LRP1B: variants seen among roughly 807,000 people sequenced by gnomAD.
LRP1B encodes low-density lipoprotein receptor-related protein 1B.
In LRP1B, 217 loss-of-function variants were observed where a neutral mutation model predicts 556.6. That is an observed-to-expected ratio of 0.39 (90% CI 0.35 to 0.44). The LOEUF is 0.44. LRP1B is among the 20% of genes least tolerant of loss of function. The probability of loss-of-function intolerance (pLI) is 1.00; values close to 1 mark genes in which losing one functional copy is unlikely to be tolerated. For synonymous variants in LRP1B, 2,047 were observed against 1,865.8 expected (o/e 1.10, Z -2.50); for missense variants, 5,053 against 5,620.8 (o/e 0.90, Z 3.23).
At chr2:141,888,035 T>G (rs948710641) in intron 1 of LRP1B, among the ~76,000 whole-genome samples, 3 of 152,308 alleles carry the variant, frequency 2.0e-5, no homozygotes, top group Non-Finnish European at 4.4e-5. Context: ...TATCATAAAT[T>G]GCAAATTTAG....
At chr2:141,284,931 A>G (rs981562618) in intron 3 of LRP1B, among the ~76,000 whole-genome samples, 1 of 152,154 alleles carries the variant, frequency 6.6e-6, no homozygotes, top group Admixed American at 6.5e-5. Context: ...TGCTTCGATG[A>G]GTCTAGGTCC....
intron 1 of LRP1B, among the ~76,000 whole-genome samples, chr2:141,946,074 C>T (rs1203465920): frequency 6.6e-6 from 1 of 152,024 alleles, no homozygotes; most frequent in Non-Finnish European, 1.5e-5. Flanking sequence ...GTAGGGGTAC[C>T]TATACTAGCC....
intron 7 of LRP1B, among the ~76,000 whole-genome samples, chr2:141,178,281 C>T (rs749316550): frequency 6.6e-6 from 1 of 152,094 alleles, no homozygotes; most frequent in Non-Finnish European, 1.5e-5. Flanking sequence ...AACGGGGAAT[C>T]TCACAGAGAA....
intron 2 of LRP1B, among the ~76,000 whole-genome samples, chr2:141,669,767 T>TGGGGGGGGGGGGGGGGGGGG (rs1558793597): frequency 1.5e-5 from 1 of 66,252 alleles, no homozygotes; most frequent in Non-Finnish European, 2.8e-5. Context: ...GGCGGGTGGG[T>TGGGGGGGGGGGGGGGGGGGG]GGGGGCATAC....
intron 85 of LRP1B, among the ~76,000 whole-genome samples, chr2:140,272,046 CTG>C (rs901313394): frequency 7.2e-5 from 11 of 151,786 alleles, no homozygotes; most frequent in African/African-American, 1.9e-4. Flanking sequence ...GCTTTTAAAC[CTG>C]TGTTTCCAAT....
At chr2:140,544,041 A>G (rs1170238236) in intron 43 of LRP1B, among the ~76,000 whole-genome samples, 1 of 152,116 alleles carries the variant, frequency 6.6e-6, no homozygotes, top group East Asian at 1.9e-4. Flanking sequence ...ATGGAGAAGA[A>G]GAAGTATAAT....
At chr2:140,795,760 A>C (rs955778227) in intron 32 of LRP1B, among the ~76,000 whole-genome samples, 1 of 152,144 alleles carries the variant, frequency 6.6e-6, no homozygotes, top group Admixed American at 6.5e-5. Context: ...GATTAAGTTC[A>C]GTTTAAGACA....
chr2:141,814,398 C>G (rs886376511), intron 1 of LRP1B, among the ~76,000 whole-genome samples: 11 of 152,068 alleles, frequency 7.2e-5, no homozygotes, highest in Non-Finnish European at 7.4e-5. Context: ...TCATCAGGAT[C>G]TGGCTTACTT....
intron 1 of LRP1B, among the ~76,000 whole-genome samples, chr2:142,008,450 C>T (rs1000779171): frequency 5.3e-5 from 8 of 151,978 alleles, no homozygotes; most frequent in East Asian, 1.9e-4. Flanking sequence ...TTCCTGATTT[C>T]TCTGGATACA....
At chr2:141,047,727 T>C (rs900433431) in intron 11 of LRP1B, among the ~76,000 whole-genome samples, 7 of 152,132 alleles carry the variant, frequency 4.6e-5, no homozygotes, top group African/African-American at 1.7e-4. Flanking sequence ...GTGCCATTAT[T>C]ATCTGTAAAG....
At chr2:141,030,188 A>G (rs945855544) in intron 11 of LRP1B, among the ~76,000 whole-genome samples, 3 of 152,134 alleles carry the variant, frequency 2.0e-5, no homozygotes, top group Admixed American at 1.3e-4. Flanking sequence ...TAGTAAATAC[A>G]AATTACTTTT....
chr2:142,123,269 C>A (rs1707521001), intron 1 of LRP1B, among the ~76,000 whole-genome samples: 1 of 151,830 alleles, frequency 6.6e-6, no homozygotes, highest in African/African-American at 2.4e-5. Flanking sequence ...GCTAAGATGA[C>A]AAATCGTCAT....
At chr2:140,337,651 C>T (rs1049526578) in intron 77 of LRP1B, among the ~76,000 whole-genome samples, 1 of 151,830 alleles carries the variant, frequency 6.6e-6, no homozygotes, top group African/African-American at 2.4e-5. Flanking sequence ...TTTTCTAACA[C>T]TTATGACACA....
intron 6 of LRP1B, among the ~76,000 whole-genome samples, chr2:141,225,108 A>G (rs1412538392): frequency 6.6e-6 from 1 of 152,168 alleles, no homozygotes; most frequent in Non-Finnish European, 1.5e-5. Flanking sequence ...CTAAGGAAAA[A>G]GATAAAAGCC....
chr2:142,018,560 C>G (rs1343555059), intron 1 of LRP1B, among the ~76,000 whole-genome samples: 1 of 151,844 alleles, frequency 6.6e-6, no homozygotes, highest in Non-Finnish European at 1.5e-5. Context: ...ATAATAAAAT[C>G]CAAGCCATAT....
At chr2:141,602,647 G>A (rs1687788416) in intron 2 of LRP1B, among the ~76,000 whole-genome samples, 1 of 151,950 alleles carries the variant, frequency 6.6e-6, no homozygotes, top group Non-Finnish European at 1.5e-5. Context: ...ACAATCCTTT[G>A]GGCTCTGTAC....
intron 3 of LRP1B, among the ~76,000 whole-genome samples, chr2:141,478,043 A>G (rs13007713): frequency 0.39 from 58,512 of 151,950 alleles, 11,776 homozygotes; most frequent in East Asian, 0.64. Context: ...CAGAAAAAAA[A>G]GAATGGAGCA....
chr2:141,033,125 A>G (rs12468894), intron 11 of LRP1B, among the ~76,000 whole-genome samples: 62,509 of 151,162 alleles, frequency 0.41, 13,201 homozygotes, highest in East Asian at 0.59. Context: ...AGAAAACAGC[A>G]CGTGGTAAAG....
rs537085248 is a variant in LRP1B at position 140,988,114 on chromosome 2, T to C, written c.2770+1418A>G. On this transcript the variant is annotated intron_variant, in intron 17 of 90. Transcript: ENST00000389484. ...TAGCTAATATGCAGGATAATATCAT[T>C]TGGGATAAAGAGAAATGACCTTGGA... Among the ~76,000 whole-genome samples, 3 of 152,150 alleles carry C rather than the reference T, an allele frequency of 2.0e-5. No homozygotes were observed. In the South Asian group the frequency reaches 6.2e-4, roughly 32 times the overall value.
Sources: allele counts gnomAD v4.1 joint callset (sites outside exome capture counted in the v4.1 genomes callset), GRCh38; gene constraint gnomAD v4.1.1; transcripts MANE v1.5; gene names NCBI Gene and HGNC (gene_info 2026-07-23, HGNC 2026-07-21).